Variants in PAH observed in about 807,000 individuals in gnomAD.
The protein encoded by PAH is phenylalanine hydroxylase.
Under a neutral mutation model 62.0 loss-of-function variants are expected in PAH, and 64 were observed. That is an observed-to-expected ratio of 1.03 (90% CI 0.84 to 1.27). PAH has a LOEUF of 1.27. Among genes scored for constraint, PAH ranks in the 50% most tolerant of loss-of-function variants. The pLI, the probability that PAH is intolerant of heterozygous loss-of-function variation, is 0.00. For synonymous variants in PAH, 195 were observed against 196.2 expected, an observed-to-expected ratio of 0.99 and a Z score of 0.05; for missense variants, 579 against 542.8, an observed-to-expected ratio of 1.07 and a Z score of -0.66.
At chr12:102,894,278 T>G (rs1293042391) in intron 3 of PAH, among the ~76,000 whole-genome samples, 1 of 152,146 alleles carries the variant, frequency 6.6e-6, no homozygotes, top group Non-Finnish European at 1.5e-5. Flanking sequence ...GCTGATTACC[T>G]GGGTGACAAA....
At chr12:102,910,372 CTTT>C (rs766959541) in intron 2 of PAH, among the ~76,000 whole-genome samples, 1,440 of 141,424 alleles carry the variant, frequency 0.01, 15 homozygotes, top group Non-Finnish European at 0.017. Context: ...CTTGAAATTC[CTTT>C]TTTTTTTTTT....
chr12:102,952,080 AT>A (rs1879779215), upstream of PAH, among the ~76,000 whole-genome samples: 1 of 152,178 alleles, frequency 6.6e-6, no homozygotes, highest in Non-Finnish European at 1.5e-5. Context: ...CGGCTCAAAG[AT>A]TCAGCAAAGA....
chr12:102,942,916 C>T (rs573579560), intron 1 of PAH, among the ~76,000 whole-genome samples: 3 of 152,070 alleles, frequency 2.0e-5, no homozygotes, highest in African/African-American at 7.2e-5. Context: ...AAAGTCAACT[C>T]AAGATGATTA....
At chr12:102,929,793 G>A (rs1878796354) in intron 1 of PAH, among the ~76,000 whole-genome samples, 1 of 152,166 alleles carries the variant, frequency 6.6e-6, no homozygotes, top group Admixed American at 6.5e-5. Context: ...TTTAAAAAGA[G>A]GAGTCAGTTT....
At chr12:102,874,567 T>A (rs1876483396) in intron 4 of PAH, among the ~76,000 whole-genome samples, 1 of 152,160 alleles carries the variant, frequency 6.6e-6, no homozygotes, top group Admixed American at 6.5e-5. Flanking sequence ...AAAAAAGGAA[T>A]GCCAAGCATT....
rs1874712206 is a variant in PAH, at chr12:102,843,924, T to A, written c.1066-145A>T. ...GCCCAAATGCTGTGAGCCAAATTAC[T>A]TTGCACATACTAGGTTCTACCCTTC... On this transcript the variant is annotated intron_variant, in intron 10 of 12. Coordinates refer to ENST00000553106, the MANE Select transcript of PAH (RefSeq NM_000277.3). The A allele has an allele frequency of 2.4e-5, 21 of 877,788 alleles. No homozygotes were observed. In the South Asian group the frequency reaches 3.0e-4, roughly 13 times the overall value. The allele number at this position is 877,788 out of a possible 1,614,324, so 54.4% of individuals were successfully genotyped here.
intron 8 of PAH, 29 bp from the exon 9 acceptor site, chr12:102,846,980 C>T (rs374987479): frequency 1.9e-6 from 3 of 1,602,300 alleles, no homozygotes; most frequent in Non-Finnish European, 2.6e-6. Flanking sequence ...AGAACCTGTT[C>T]TGTTCCTGTA....
chr12:102,901,035 C>T (rs982786692), intron 2 of PAH, among the ~76,000 whole-genome samples: 11 of 152,146 alleles, frequency 7.2e-5, no homozygotes, highest in Non-Finnish European at 1.2e-4. Context: ...AAATGAATCA[C>T]CAATTTTTCT....
At chr12:102,863,530 T>C (rs1718306) in intron 5 of PAH, among the ~76,000 whole-genome samples, 97,997 of 152,040 alleles carry the variant, frequency 0.64, 32,999 homozygotes, top group African/African-American at 0.79. Context: ...GGCTGAGAGA[T>C]GGGACTATGT....
At chr12:102,955,235 T>G (rs987626199), upstream of PAH, among the ~76,000 whole-genome samples, 2 of 152,234 alleles carry the variant, frequency 1.3e-5, no homozygotes, top group East Asian at 1.9e-4. Flanking sequence ...TCTACTTCCC[T>G]GGTATTGAGA....
chr12:102,933,933 C>G (rs190721466), intron 1 of PAH, among the ~76,000 whole-genome samples: 1 of 152,182 alleles, frequency 6.6e-6, no homozygotes, highest in East Asian at 1.9e-4. Context: ...GGTGCAAAAG[C>G]ATTTTTAACT....
intron 1 of PAH, among the ~76,000 whole-genome samples, chr12:102,928,411 C>A (rs1592995508): frequency 6.6e-6 from 1 of 152,202 alleles, no homozygotes; most frequent in East Asian, 1.9e-4. Flanking sequence ...ATATTGTAGT[C>A]TTCTGGGATA....
chr12:102,875,603 C>T (rs1264325020), intron 4 of PAH, among the ~76,000 whole-genome samples: 1 of 152,130 alleles, frequency 6.6e-6, no homozygotes, highest in Non-Finnish European at 1.5e-5. Context: ...AACCTTGGCG[C>T]CCCAGGGCTC....
chr12:102,902,743 TG>T (rs1183151502), intron 2 of PAH, among the ~76,000 whole-genome samples: 1 of 152,204 alleles, frequency 6.6e-6, no homozygotes, highest in Non-Finnish European at 1.5e-5. Flanking sequence ...GAGGAGATCT[TG>T]GAGAGGTTCA....
At chr12:102,840,307 A>G (rs1235872858) in intron 12 of PAH, 93 bp downstream of exon 12, 7 of 818,584 alleles carry the variant, frequency 8.6e-6, no homozygotes, top group Non-Finnish European at 1.5e-5. Context: ...AAATATTTCA[A>G]TAAATTTATT....
chr12:102,868,913 G>T (rs898072823), intron 4 of PAH, among the ~76,000 whole-genome samples: 16 of 152,110 alleles, frequency 1.1e-4, no homozygotes, highest in African/African-American at 3.9e-4. Context: ...ATAATATGTA[G>T]ACTTTTGACC....
In PAH at chr12:102,894,826, G is replaced by T. The variant is rs62516151; in HGVS notation, c.261C>A (p.Ser87Arg). Residue 87 changes from serine to arginine, a missense_variant, in exon 3 of 13, where the codon AGC (serine) becomes AGA (arginine). Coordinates refer to ENST00000553106, the MANE Select transcript of PAH (RefSeq NM_000277.3). ...TGATGATGTTTGTCAGAGCAGGCAG[G>T]CTACGTTTATCCAAATGGGTGAAAA... ...YEFFTHLDKR[S>R]LPALTNIIKI... 1.2e-4 allele frequency: 187 copies of T among 1,613,804 alleles called. No individual in the cohort carries two copies. Among genetic ancestry groups the T allele is most frequent in the Admixed American group, 1.7e-4 (10 of 60,018 alleles).
At chr12:102,878,969 C>T (rs1251783525) in intron 3 of PAH, among the ~76,000 whole-genome samples, 1 of 152,172 alleles carries the variant, frequency 6.6e-6, no homozygotes. Context: ...CCAAAATAGA[C>T]GTGGTGGGAA....
At chr12:102,940,002 G>A (rs553781055) in intron 1 of PAH, among the ~76,000 whole-genome samples, 1 of 152,328 alleles carries the variant, frequency 6.6e-6, no homozygotes, top group East Asian at 1.9e-4. Context: ...AACTGAGTGA[G>A]AACCTATCTA....
Sources: allele counts gnomAD v4.1 joint callset (sites outside exome capture counted in the v4.1 genomes callset), GRCh38; gene constraint gnomAD v4.1.1; transcripts MANE v1.5; gene names NCBI Gene and HGNC (gene_info 2026-07-23, HGNC 2026-07-21).